The following TCF4 variants were observed in gnomAD, a reference collection of about 807,000 sequenced individuals.
TCF4 encodes the protein SL3-3 enhancer factor 2.
In TCF4, 3 loss-of-function variants were observed where a neutral mutation model predicts 82.1. That is an observed-to-expected ratio of 0.04 (90% CI 0.02 to 0.09). The LOEUF (loss-of-function observed/expected upper bound fraction) is 0.09. Among genes scored for constraint, TCF4 ranks in the 10% least tolerant of loss-of-function variants. The probability of loss-of-function intolerance (pLI) is 1.00; values close to 1 mark genes in which losing one functional copy is unlikely to be tolerated. For synonymous variants in TCF4, 276 were observed against 309.6 expected (o/e 0.89, Z 1.14); for missense variants, 518 against 852.7 (o/e 0.61, Z 4.89).
intron 15 of TCF4, among the ~76,000 whole-genome samples, chr18:55,245,233 A>C (rs963175546): frequency 6.6e-6 from 1 of 152,226 alleles, no homozygotes; most frequent in Non-Finnish European, 1.5e-5. Flanking sequence ...TAAGCAATTA[A>C]GATACTTTTG....
At chr18:55,305,053 T>G (rs1211822358) in intron 8 of TCF4, among the ~76,000 whole-genome samples, 1 of 152,202 alleles carries the variant, frequency 6.6e-6, no homozygotes, top group Non-Finnish European at 1.5e-5. Context: ...TTCTGTCAAC[T>G]GAGATGTCAG....
intron 5 of TCF4, among the ~76,000 whole-genome samples, chr18:55,418,417 T>G (rs1355945541): frequency 6.6e-6 from 1 of 152,176 alleles, no homozygotes; most frequent in Non-Finnish European, 1.5e-5. Context: ...TCCCTTATTT[T>G]TAAATATGAG....
rs536374898 is a variant in TCF4, at chr18:55,601,574, A to G, written c.287-14438T>C. Among the ~76,000 whole-genome samples, 18 of 152,230 alleles carry G rather than the reference A, an allele frequency of 1.2e-4. No individual in the cohort carries two copies. In the East Asian group the frequency reaches 2.9e-3, roughly 24 times the overall value. On this transcript the variant is annotated intron_variant, in intron 2 of 20. Transcript: ENST00000398339. The stretch of plus-strand genomic sequence containing the variant: ...CAAGGCGGGCAGATCACTTGAGGTC[A>G]GGAGTTTAAGACCAGCCTGACCAAC...
At chr18:55,538,022 G>A (rs996853756) in intron 3 of TCF4, among the ~76,000 whole-genome samples, 8 of 129,178 alleles carry the variant, frequency 6.2e-5, no homozygotes, top group African/African-American at 1.5e-4. Flanking sequence ...TAGTCTGCGC[G>A]CGCGCACACA....
intron 3 of TCF4, among the ~76,000 whole-genome samples, chr18:55,536,590 T>C (rs567566508): frequency 1.3e-5 from 2 of 152,316 alleles, no homozygotes; most frequent in East Asian, 1.9e-4. Flanking sequence ...GTTATTAGAA[T>C]GTTGCCCCAA....
chr18:55,566,208 G>C (rs956025679), intron 3 of TCF4, among the ~76,000 whole-genome samples: 1 of 151,770 alleles, frequency 6.6e-6, no homozygotes, highest in Admixed American at 6.6e-5. Flanking sequence ...GCGAGATTCT[G>C]CCTCAAAAAC....
chr18:55,234,831 T>G (rs1212330206), intron 15 of TCF4, 148 bp from the exon 16 acceptor site: 1 of 1,084,846 alleles, frequency 9.2e-7, no homozygotes, highest in Non-Finnish European at 1.4e-6. Context: ...GGACCGCACA[T>G]GCACCTATAG....
chr18:55,505,496 A>T (rs1427677017), intron 3 of TCF4, among the ~76,000 whole-genome samples: 1 of 152,164 alleles, frequency 6.6e-6, no homozygotes, highest in Non-Finnish European at 1.5e-5. Flanking sequence ...CTGTACAGAT[A>T]AGAAAACTGA....
chr18:55,545,288 T>C (rs570100512), intron 3 of TCF4, among the ~76,000 whole-genome samples: 167 of 152,274 alleles, frequency 1.1e-3, no homozygotes, highest in African/African-American at 1.2e-3. Flanking sequence ...CTCCTCCACA[T>C]CCGTCTATGT....
intron 12 of TCF4, among the ~76,000 whole-genome samples, chr18:55,260,811 C>T (rs192949243): frequency 2.3e-4 from 35 of 152,252 alleles, no homozygotes; most frequent in African/African-American, 6.7e-4. Context: ...CCTCCCACCT[C>T]GGCCTCCCAA....
rs2048852348 is a variant in TCF4 at position 55,234,683 on chromosome 18, C to T, written c.1351G>A (p.Val451Met). The T allele has an allele frequency of 3.7e-6, 6 of 1,614,088 alleles. No homozygotes were observed. The highest frequency in any genetic ancestry group is 2.2e-5 in the East Asian group (1 of 44,876). ...LLSANRHSLM[V>M]GTHREDGVAL... ...ACGCCATCTTCACGATGGGTCCCCA[C>T]CTGAAAGGGCGAGAGGAACCAGAGA... The change falls in exon 16 of 20, where the codon GTG becomes ATG. Residue 451 changes from valine (V) to methionine (M), a missense_variant and splice_region_variant. Val to Met is a conservative substitution (Grantham distance 21). This residue lies in a region of TCF4 where 144 missense variants were observed against 190.2 expected (regional missense o/e 0.76). Coordinates refer to ENST00000354452, the MANE Select transcript of TCF4 (RefSeq NM_001083962.2).
At chr18:55,509,241 A>G (rs547769950) in intron 3 of TCF4, among the ~76,000 whole-genome samples, 25 of 152,244 alleles carry the variant, frequency 1.6e-4, no homozygotes, top group African/African-American at 5.5e-4. Context: ...ATAAAAAAAA[A>G]CTTTGATATA....
At chr18:55,568,532 TAA>T (rs760308877) in intron 3 of TCF4, among the ~76,000 whole-genome samples, 54 of 151,692 alleles carry the variant, frequency 3.6e-4, no homozygotes, top group Non-Finnish European at 4.7e-4. Context: ...CACATCCATA[TAA>T]GTTTATATAT....
chr18:55,445,468 G>A (rs1297521590), intron 5 of TCF4, among the ~76,000 whole-genome samples: 1 of 152,124 alleles, frequency 6.6e-6, no homozygotes, highest in Admixed American at 6.6e-5. Flanking sequence ...ATGGTGGGAG[G>A]CAAGATAGCA....
rs1354627504 is a variant in TCF4, at chr18:55,444,014, G to A, written c.304+17005C>T. Among the ~76,000 whole-genome samples the A allele has an allele frequency of 3.9e-5, 6 of 152,340 alleles. No homozygotes were observed. The South Asian group carries it at 8.3e-4, about 21-fold the overall frequency. On this transcript the variant is annotated intron_variant, in intron 5 of 19. Coordinates refer to ENST00000354452, the MANE Select transcript of TCF4 (RefSeq NM_001083962.2). ...ACTTAGATGTCACCCAGGTAGTAAA[G>A]GGTGGGCAGAGCCAGGATATAAATC...
chr18:55,501,309 T>C (rs1313062526), intron 3 of TCF4, among the ~76,000 whole-genome samples: 2 of 152,186 alleles, frequency 1.3e-5, no homozygotes, highest in African/African-American at 2.4e-5. Flanking sequence ...TACATATGAT[T>C]ATACTGCATT....
At chr18:55,301,152 A>C (rs2068153417) in intron 8 of TCF4, among the ~76,000 whole-genome samples, 1 of 152,106 alleles carries the variant, frequency 6.6e-6, no homozygotes, top group African/African-American at 2.4e-5. Context: ...AAGTGACCCC[A>C]ATCCCGTATC....
chr18:55,296,504 G>C (rs10502997), intron 8 of TCF4, among the ~76,000 whole-genome samples: 1,910 of 152,234 alleles, frequency 0.013, 28 homozygotes, highest in South Asian at 0.051. Context: ...GTCTATGATC[G>C]GGCTTCTACT....
chr18:55,422,642 C>T (rs2094817132), intron 5 of TCF4: 3 of 266,828 alleles, frequency 1.1e-5, no homozygotes, highest in African/African-American at 4.6e-5. Context: ...TTTTTTCTTC[C>T]CTGAAAAGTT....
Sources: allele counts gnomAD v4.1 joint callset (sites outside exome capture counted in the v4.1 genomes callset), GRCh38; gene constraint gnomAD v4.1.1; regional missense constraint gnomAD v4.1.1; transcripts MANE v1.5; gene names NCBI Gene and HGNC (gene_info 2026-07-23, HGNC 2026-07-21).